PPM1D: variants seen among roughly 807,000 people sequenced by gnomAD.
The protein encoded by PPM1D is protein phosphatase 1D.
Under a neutral mutation model 58.3 loss-of-function variants are expected in PPM1D, and 52 were observed. That is an observed-to-expected ratio of 0.89 (90% CI 0.71 to 1.12). The LOEUF (loss-of-function observed/expected upper bound fraction) is 1.12. PPM1D is among the 50% of genes most tolerant of loss of function. The pLI is 0.00. For synonymous variants in PPM1D, 278 were observed against 285.1 expected (o/e 0.98, Z 0.25); for missense variants, 564 against 777.2 (o/e 0.73, Z 3.26).
At chr17:60,638,031 T>A (rs2031058810) in intron 3 of PPM1D, among the ~76,000 whole-genome samples, 2 of 152,174 alleles carry the variant, frequency 1.3e-5, no homozygotes, top group African/African-American at 4.8e-5. Context: ...TTTGGTGGAA[T>A]AGCAAGACCA....
intron 1 of PPM1D, among the ~76,000 whole-genome samples, chr17:60,615,808 C>T (rs1259891923): frequency 2.6e-5 from 4 of 151,462 alleles, no homozygotes; most frequent in African/African-American, 9.7e-5. Flanking sequence ...TAAGCCACCG[C>T]GCCTGCACCT....
intron 2 of PPM1D, among the ~76,000 whole-genome samples, chr17:60,628,808 C>G (rs1257306630): frequency 6.6e-6 from 1 of 152,038 alleles, no homozygotes; most frequent in Non-Finnish European, 1.5e-5. Context: ...TGGAGACACC[C>G]TGAAAAAGTC....
chr17:60,601,490 A>G (rs899168413), intron 1 of PPM1D, among the ~76,000 whole-genome samples: 2 of 152,108 alleles, frequency 1.3e-5, no homozygotes, highest in East Asian at 1.9e-4. Context: ...AGGATCATAA[A>G]CCTGTACTGC....
At position 60,656,824 on chromosome 17, in the gene PPM1D, T is replaced by C; in HGVS notation, c.1243T>C (p.Ser415Pro). Residue 415 changes from serine to proline, a missense_variant, in exon 5 of 6, where the codon TCT becomes CCT. This residue lies in a region of PPM1D where 261 missense variants were observed against 270.1 expected (regional missense o/e 0.97). Coordinates refer to ENST00000305921, the MANE Select transcript of PPM1D (RefSeq NM_003620.4). The stretch of plus-strand genomic sequence containing the variant: ...CTGTGTGATGACTCCTTCCCCATGT[T>C]CTACACCACCAGTCAAGGTATATAG... ...ETCVMTPSPCSTPPVKSLEED... is the reference protein window; with the variant it reads ...ETCVMTPSPCPTPPVKSLEED... 1 of 1,614,186 alleles carries C rather than the reference T, an allele frequency of 6.2e-7. No individual in the cohort carries two copies. Among genetic ancestry groups the C allele is most frequent in the African/African-American group, 1.3e-5 (1 of 75,064 alleles).
chr17:60,659,274 G>A (rs2143724434), intron 5 of PPM1D, among the ~76,000 whole-genome samples: 2 of 152,274 alleles, frequency 1.3e-5, no homozygotes, highest in East Asian at 1.9e-4. Flanking sequence ...TAGTAACATA[G>A]AGATAAATTT....
chr17:60,631,243 C>T (rs1166967188), intron 2 of PPM1D, among the ~76,000 whole-genome samples: 1 of 152,080 alleles, frequency 6.6e-6, no homozygotes, highest in Non-Finnish European at 1.5e-5. Flanking sequence ...TCACTTGAGC[C>T]TGGGAAGTCA....
intron 1 of PPM1D, among the ~76,000 whole-genome samples, chr17:60,621,483 C>T (rs1312185555): frequency 6.6e-6 from 1 of 152,068 alleles, no homozygotes; most frequent in Non-Finnish European, 1.5e-5. Flanking sequence ...CAGCCTCCAC[C>T]TCCTGGGTTC....
intron 1 of PPM1D, among the ~76,000 whole-genome samples, chr17:60,623,152 C>T (rs1309115392): frequency 6.6e-6 from 1 of 152,026 alleles, no homozygotes; most frequent in Non-Finnish European, 1.5e-5. Context: ...TGCTAAGTGG[C>T]TGGCTAAATG....
At chr17:60,623,490 C>A in intron 1 of PPM1D, 31 bp from the exon 2 acceptor site, 1 of 1,577,578 alleles carries the variant, frequency 6.3e-7, no homozygotes, top group Non-Finnish European at 8.6e-7. Flanking sequence ...TTTATACTTG[C>A]AAGAGTGAAA....
chr17:60,655,696 T>TTTTC (rs779880964), intron 4 of PPM1D, among the ~76,000 whole-genome samples: 1 of 148,392 alleles, frequency 6.7e-6, no homozygotes, highest in Non-Finnish European at 1.5e-5. Flanking sequence ...CTTTTTTTCT[T>TTTTC]TTTCTTTCTT....
chr17:60,641,560 C>A (rs1281096886), intron 3 of PPM1D, among the ~76,000 whole-genome samples: 2 of 152,130 alleles, frequency 1.3e-5, no homozygotes, highest in African/African-American at 4.8e-5. Flanking sequence ...CTGTTGATAG[C>A]TTCTTTTGCT....
At chr17:60,654,140 C>T (rs935614886) in intron 4 of PPM1D, among the ~76,000 whole-genome samples, 6 of 151,814 alleles carry the variant, frequency 4.0e-5, no homozygotes, top group Non-Finnish European at 7.4e-5. Flanking sequence ...TTTTTTTCCC[C>T]ATTCAGTATT....
At chr17:60,621,501 T>G (rs1038189526) in intron 1 of PPM1D, among the ~76,000 whole-genome samples, 22 of 151,706 alleles carry the variant, frequency 1.5e-4, no homozygotes, top group African/African-American at 5.1e-4. Flanking sequence ...TTCAAGTGAT[T>G]CTCCCACCTC....
chr17:60,663,253 G>A lies in PPM1D; in HGVS notation c.1519G>A (p.Val507Ile). The A allele has an allele frequency of 1.2e-6, 2 of 1,614,098 alleles. No individual in the cohort carries two copies. Among genetic ancestry groups the A allele is most frequent in the Non-Finnish European group, 1.7e-6 (2 of 1,180,024 alleles). ...GLVPTNSTNT[V>I]MDQKNLKMST... ...TGTGCCTACTAATTCAACAAACACT[G>A]TCATGGACCAAAAAAATTTGAAGAT... Residue 507 changes from valine to isoleucine, a missense_variant, in exon 6 of 6, where the codon GTC becomes ATC. Transcript: ENST00000305921.
intron 1 of PPM1D, among the ~76,000 whole-genome samples, chr17:60,609,889 G>GT (rs1454872603): frequency 2.6e-5 from 4 of 152,052 alleles, no homozygotes; most frequent in African/African-American, 7.2e-5. Flanking sequence ...TCATAGATAC[G>GT]TATGTATAGG....
At chr17:60,623,394 T>G in intron 1 of PPM1D, 127 bp from the exon 2 acceptor site, 1 of 864,800 alleles carries the variant, frequency 1.2e-6, no homozygotes, top group Non-Finnish European at 1.8e-6. Context: ...CAGAATATTT[T>G]TCTTAAATTG....
intron 3 of PPM1D, among the ~76,000 whole-genome samples, chr17:60,635,540 A>G (rs543401997): frequency 1.3e-5 from 2 of 152,186 alleles, no homozygotes; most frequent in African/African-American, 4.8e-5. Flanking sequence ...ACATAACTAG[A>G]AATGGAATTT....
chr17:60,636,887 GT>G (rs1454565334), intron 3 of PPM1D, among the ~76,000 whole-genome samples: 5 of 151,570 alleles, frequency 3.3e-5, no homozygotes, highest in Admixed American at 2.6e-4. Flanking sequence ...GCCCAGGTTG[GT>G]CTCAAATTCC....
rs577575663 is a variant in PPM1D, at chr17:60,640,943, T to G, written c.827-6949T>G. ...AAAGGACATAATTTCATTTTTTTTT[T>G]TGTGGCTGTGTAGTATTCTGTAGTG... On this transcript the variant is annotated intron_variant, in intron 3 of 5. Coordinates refer to ENST00000305921, the MANE Select transcript of PPM1D (RefSeq NM_003620.4). Among the ~76,000 whole-genome samples, 21 of 152,286 alleles carry G rather than the reference T, an allele frequency of 1.4e-4. No individual in the cohort carries two copies. The South Asian group carries it at 1.7e-3, about 12-fold the overall frequency.
Sources: gnomAD v4.1 joint callset for allele counts (sites outside exome capture counted in the v4.1 genomes callset) on GRCh38, gnomAD v4.1.1 for gene constraint, gnomAD v4.1.1 regional missense constraint, MANE v1.5 for transcripts, NCBI Gene and HGNC (gene_info 2026-07-23, HGNC 2026-07-21) for gene names.